The following NIM1K variants were observed in gnomAD, a reference collection of about 807,000 sequenced individuals.
NIM1K encodes serine/threonine-protein kinase NIM1.
NIM1K carries 35 observed loss-of-function variants against 37.1 expected under a neutral mutation model. The ratio of observed to expected loss-of-function variants is 0.94; its 90% CI spans 0.72 to 1.25. NIM1K has a LOEUF of 1.25. Ranked by LOEUF, NIM1K falls within the 50% of genes most tolerant of loss-of-function variation. NIM1K has a pLI of 0.00. For missense variants in NIM1K, 564 were observed against 548.0 expected, an observed-to-expected ratio of 1.03 and a Z score of -0.29; for synonymous variants, 234 against 206.6, an observed-to-expected ratio of 1.13 and a Z score of -1.14.
At chr5:43,233,059 T>C in intron 1 of NIM1K, 1 of 1,327,464 alleles carries the variant, frequency 7.5e-7, no homozygotes, top group Non-Finnish European at 1.1e-6. Flanking sequence ...AGTGGTCTTG[T>C]CACTTGGCAT....
At chr5:43,247,750 T>C (rs920814492) in intron 2 of NIM1K, among the ~76,000 whole-genome samples, 2 of 152,226 alleles carry the variant, frequency 1.3e-5, no homozygotes, top group African/African-American at 4.8e-5. Context: ...TAGTACTTTT[T>C]TGGTAGTTGC....
chr5:43,269,017 G>A (rs7732002), intron 2 of NIM1K, among the ~76,000 whole-genome samples: 71 of 151,792 alleles, frequency 4.7e-4, no homozygotes, highest in African/African-American at 1.7e-3. Context: ...TATAAGAATA[G>A]CCACTCCTAC....
At chr5:43,277,351 C>T in intron 3 of NIM1K, 26 bp downstream of exon 3, 7 of 1,603,500 alleles carry the variant, frequency 4.4e-6, no homozygotes, top group African/African-American at 1.3e-5. Flanking sequence ...GAGTGAGAAC[C>T]TTGCTCCCAT....
chr5:43,280,535 A>G lies in NIM1K; in HGVS notation c.1117A>G (p.Asn373Asp). ...HLGITEEHIRNNQGRDARSSI... is the reference protein window; with the variant it reads ...HLGITEEHIRDNQGRDARSSI... ...GGGCATTACAGAAGAGCATATTCGA[A>G]ATAACCAAGGGAGAGATGCTCGCAG... Residue 373 changes from asparagine (N) to aspartate (D), a missense_variant, in exon 4 of 4, where the codon AAT (asparagine) becomes GAT (aspartate). Transcript: ENST00000326035. The G allele has an allele frequency of 1.2e-6, 2 of 1,614,208 alleles. No individual in the cohort carries two copies. Among genetic ancestry groups the G allele is most frequent in the Non-Finnish European group, 1.7e-6 (2 of 1,180,038 alleles).
At chr5:43,197,764 G>T (rs1333981887) in intron 1 of NIM1K, among the ~76,000 whole-genome samples, 1 of 152,076 alleles carries the variant, frequency 6.6e-6, no homozygotes, top group Admixed American at 6.6e-5. Flanking sequence ...CCTTCCAGAT[G>T]TTCTCTTTTG....
intron 2 of NIM1K, among the ~76,000 whole-genome samples, chr5:43,276,664 G>C (rs1048324714): frequency 3.3e-5 from 5 of 152,210 alleles, no homozygotes; most frequent in African/African-American, 4.8e-5. Flanking sequence ...CCTTTTCAGG[G>C]AGCAACAAAA....
intron 1 of NIM1K, among the ~76,000 whole-genome samples, chr5:43,211,785 T>C (rs931204532): frequency 5.3e-5 from 8 of 152,202 alleles, no homozygotes; most frequent in African/African-American, 1.9e-4. Context: ...AGCAGGACAG[T>C]ACTGTGGTAA....
chr5:43,207,873 A>T (rs1457886802), intron 1 of NIM1K: 2 of 286,190 alleles, frequency 7.0e-6, no homozygotes, highest in South Asian at 7.2e-5. Flanking sequence ...TATGCTGTAC[A>T]TGACATCAGA....
chr5:43,203,046 T>C (rs988155490), intron 1 of NIM1K, among the ~76,000 whole-genome samples: 4 of 152,180 alleles, frequency 2.6e-5, no homozygotes, highest in African/African-American at 9.7e-5. Context: ...TCTGCTGGAA[T>C]GTTTGTTGGT....
chr5:43,212,261 C>T (rs1331578003), intron 1 of NIM1K, among the ~76,000 whole-genome samples: 2 of 151,952 alleles, frequency 1.3e-5, no homozygotes, highest in East Asian at 3.9e-4. Context: ...CCTGCTTGGC[C>T]AACGGATCGC....
At chr5:43,197,169 C>T (rs1751930571) in intron 1 of NIM1K, among the ~76,000 whole-genome samples, 1 of 151,970 alleles carries the variant, frequency 6.6e-6, no homozygotes, top group South Asian at 2.1e-4. Flanking sequence ...ATCTCACTCA[C>T]CTAGACTACA....
intron 1 of NIM1K, chr5:43,233,258 A>G (rs367883698): frequency 1.5e-5 from 9 of 587,650 alleles, no homozygotes; most frequent in African/African-American, 9.2e-5. Flanking sequence ...GGTGATTGAT[A>G]TAAGAGAACC....
At chr5:43,236,329 G>T (rs900868332) in intron 1 of NIM1K, among the ~76,000 whole-genome samples, 1 of 151,676 alleles carries the variant, frequency 6.6e-6, no homozygotes, top group Admixed American at 6.6e-5. Flanking sequence ...AAAAAATGGA[G>T]TCGCCAGACT....
At chr5:43,260,155 GATCATATC>G (rs1753006163) in intron 2 of NIM1K, among the ~76,000 whole-genome samples, 1 of 152,094 alleles carries the variant, frequency 6.6e-6, no homozygotes, top group South Asian at 2.1e-4. Flanking sequence ...CTAGGTATAT[GATCATATC>G]ATCAGCAAAC....
chr5:43,208,093 T>C (rs1337302510), intron 1 of NIM1K, among the ~76,000 whole-genome samples: 1 of 152,192 alleles, frequency 6.6e-6, no homozygotes, highest in Non-Finnish European at 1.5e-5. Context: ...CCTTTTTATT[T>C]CAATGTGGGC....
rs202078880 is a variant in NIM1K, at chr5:43,277,243, G to T, written c.479G>T (p.Gly160Val). Residue 160 changes from glycine (G) to valine (V), a missense_variant, in exon 3 of 4, where the codon GGA becomes GTA. Gly to Val is a moderately radical substitution (Grantham distance 109). Coordinates refer to ENST00000326035, the MANE Select transcript of NIM1K (RefSeq NM_153361.4). ...MEYAGGGELFGKISTEGKLSE... is the reference protein window; with the variant it reads ...MEYAGGGELFVKISTEGKLSE... ...TATGCAGGGGGTGGGGAGCTCTTCG[G>T]AAAAATTAGCACTGAGGGGAAGCTC... The T allele has an allele frequency of 1.3e-4, 209 of 1,613,998 alleles. No individual in the cohort carries two copies. The highest frequency in any genetic ancestry group is 1.7e-4 in the Non-Finnish European group (200 of 1,180,032).
At chr5:43,257,820 G>A (rs1291307973) in intron 2 of NIM1K, among the ~76,000 whole-genome samples, 2 of 151,252 alleles carry the variant, frequency 1.3e-5, no homozygotes, top group Non-Finnish European at 2.9e-5. Context: ...AGCTACTTGG[G>A]AGACTGAGCT....
intron 1 of NIM1K, among the ~76,000 whole-genome samples, chr5:43,224,866 T>C (rs1278016192): frequency 2.0e-5 from 3 of 152,020 alleles, no homozygotes; most frequent in Non-Finnish European, 1.5e-5. Context: ...CAGCTAATTT[T>C]TGTATTTTTA....
Position 43,253,212 on chromosome 5 carries a change from A to ATAATATAATATATGTGTGTGTGTG in NIM1K, c.292+7146_292+7147insAATATAATATATGTGTGTGTGTGT, listed in dbSNP as rs1300038063. Reference sequence around the variant, plus strand: ...TATAATATAATATATAATATAATATATGTGTGTGTGTGTGTGTGTGTGTGT... The same window carrying ATAATATAATATATGTGTGTGTGTG: ...TATAATATAATATATAATATAATATATAATATAATATATGTGTGTGTGTGTGTGTGTGTGTGTGTGTGTGTGTGT... On this transcript the variant is annotated intron_variant, in intron 2 of 3. Transcript: ENST00000326035. 6.1e-5 allele frequency among the ~76,000 whole-genome samples: 8 copies of ATAATATAATATATGTGTGTGTGTG among 131,740 alleles called. No homozygotes were observed. In the East Asian group the frequency reaches 1.6e-3, roughly 26 times the overall value. The allele number at this position is 131,740 out of a possible 152,430, so 86.4% of individuals were successfully genotyped here.
Sources: allele counts gnomAD v4.1 joint callset (sites outside exome capture counted in the v4.1 genomes callset), GRCh38; gene constraint gnomAD v4.1.1; transcripts MANE v1.5; gene names NCBI Gene and HGNC (gene_info 2026-07-23, HGNC 2026-07-21).